FAF1: variants seen among roughly 807,000 people sequenced by gnomAD.
FAF1 encodes Fas associated factor 1.
A neutral mutation model predicts 92.5 loss-of-function variants in FAF1; 25 were observed. The ratio of observed to expected loss-of-function variants is 0.27; its 90% confidence interval spans 0.20 to 0.38. FAF1 has a LOEUF of 0.38. Among genes scored for constraint, FAF1 ranks in the 10% least tolerant of loss-of-function variants. FAF1 has a pLI of 1.00. For synonymous variants in FAF1, 234 were observed against 273.2 expected (o/e 0.86, Z 1.42); for missense variants, 636 against 793.3 (o/e 0.80, Z 2.38).
chr1:50,711,852 A>G (rs898167957), intron 6 of FAF1, among the ~76,000 whole-genome samples: 1 of 152,152 alleles, frequency 6.6e-6, no homozygotes, highest in African/African-American at 2.4e-5. Flanking sequence ...AAGTCAGATA[A>G]GGGTATTATC....
intron 15 of FAF1, among the ~76,000 whole-genome samples, chr1:50,518,501 T>C (rs1222513072): frequency 6.6e-6 from 1 of 151,704 alleles, no homozygotes; most frequent in Non-Finnish European, 1.5e-5. Flanking sequence ...AGTGCAGTGG[T>C]GCCATCTCGG....
chr1:50,909,583 CT>C (rs1407983152), intron 1 of FAF1, among the ~76,000 whole-genome samples: 2 of 152,108 alleles, frequency 1.3e-5, no homozygotes, highest in Non-Finnish European at 2.9e-5. Context: ...TCTTTTTGCT[CT>C]TTTTTCTCTA....
chr1:50,793,738 C>T (rs893718374), intron 3 of FAF1, among the ~76,000 whole-genome samples: 3 of 152,196 alleles, frequency 2.0e-5, no homozygotes, highest in African/African-American at 7.2e-5. Flanking sequence ...AACTCTCCCG[C>T]TCTTTGTCAT....
intron 3 of FAF1, among the ~76,000 whole-genome samples, chr1:50,792,437 C>T (rs1048158311): frequency 3.9e-5 from 6 of 152,120 alleles, no homozygotes; most frequent in African/African-American, 1.4e-4. Context: ...GCTCCTTCTC[C>T]CATGACTGAG....
At chr1:50,711,463 C>CAT (rs1657925101) in intron 6 of FAF1, among the ~76,000 whole-genome samples, 1 of 81,976 alleles carries the variant, frequency 1.2e-5, no homozygotes, top group African/African-American at 5.1e-5. Flanking sequence ...TCCACACTGA[C>CAT]TTTTTTTTTT....
chr1:50,549,884 A>C (rs1454179521), intron 13 of FAF1, among the ~76,000 whole-genome samples: 1 of 152,222 alleles, frequency 6.6e-6, no homozygotes, highest in African/African-American at 2.4e-5. Context: ...CTGGGATTAC[A>C]GGCATGAGCC....
chr1:50,917,684 GA>G (rs1557588593), intron 1 of FAF1, among the ~76,000 whole-genome samples: 4 of 143,574 alleles, frequency 2.8e-5, no homozygotes, highest in African/African-American at 5.3e-5. Context: ...GAAAGGAAAG[GA>G]AAGGAAAGGA....
chr1:50,787,040 AT>A (rs537622871), intron 4 of FAF1, among the ~76,000 whole-genome samples: 259 of 152,362 alleles, frequency 1.7e-3, no homozygotes, highest in Non-Finnish European at 2.7e-3. Context: ...TAGAATTCAG[AT>A]TTAAGGTAAA....
chr1:50,933,866 CA>C (rs1261566941), intron 1 of FAF1, among the ~76,000 whole-genome samples: 3 of 152,124 alleles, frequency 2.0e-5, no homozygotes, highest in Non-Finnish European at 4.4e-5. Context: ...GAGAAGGAAG[CA>C]AAAGTGGAAA....
At chr1:50,803,665 C>A (rs1443562212) in intron 2 of FAF1, among the ~76,000 whole-genome samples, 1 of 152,092 alleles carries the variant, frequency 6.6e-6, no homozygotes, top group Admixed American at 6.5e-5. Flanking sequence ...TAAAATAATG[C>A]CTCACCTGAG....
At chr1:50,510,165 CA>C (rs34071985) in intron 15 of FAF1, among the ~76,000 whole-genome samples, 4,384 of 60,970 alleles carry the variant, frequency 0.072, 68 homozygotes, top group Admixed American at 0.19. Context: ...GACTCTGTCT[CA>C]AAAAAAAAAA....
intron 1 of FAF1, among the ~76,000 whole-genome samples, chr1:50,905,597 G>A (rs1570122989): frequency 6.6e-6 from 1 of 152,074 alleles, no homozygotes; most frequent in African/African-American, 2.4e-5. Context: ...GATGGTATCT[G>A]ATTGTGGTTT....
At chr1:50,588,337 G>A (rs989382262) in intron 9 of FAF1, among the ~76,000 whole-genome samples, 5 of 152,178 alleles carry the variant, frequency 3.3e-5, no homozygotes, top group Non-Finnish European at 5.9e-5. Flanking sequence ...CAGGCAATTC[G>A]TGTATCTCTA....
At chr1:50,840,476 G>A (rs764645525) in intron 2 of FAF1, among the ~76,000 whole-genome samples, 18 of 151,856 alleles carry the variant, frequency 1.2e-4, no homozygotes, top group Non-Finnish European at 1.9e-4. Flanking sequence ...AAAATAGATG[G>A]CCAATAAGAA....
chr1:50,724,100 A>ATGCC (rs1297134589), intron 6 of FAF1, among the ~76,000 whole-genome samples: 1 of 152,050 alleles, frequency 6.6e-6, no homozygotes, highest in East Asian at 1.9e-4. Flanking sequence ...ATGATGGCAC[A>ATGCC]TGCCTGTAGT....
At chr1:50,684,482 A>G (rs1656565478) in intron 7 of FAF1, among the ~76,000 whole-genome samples, 2 of 152,198 alleles carry the variant, frequency 1.3e-5, no homozygotes, top group African/African-American at 4.8e-5. Flanking sequence ...CGAGGCATTC[A>G]GGCAGAGATG....
intron 9 of FAF1, among the ~76,000 whole-genome samples, chr1:50,587,246 G>T (rs1379191694): frequency 1.3e-5 from 2 of 152,116 alleles, no homozygotes; most frequent in Non-Finnish European, 2.9e-5. Flanking sequence ...TTCTCCATGT[G>T]TCTCCATTAT....
intron 18 of FAF1, among the ~76,000 whole-genome samples, chr1:50,461,928 G>C (rs1003242144): frequency 6.8e-6 from 1 of 147,764 alleles, no homozygotes; most frequent in Non-Finnish European, 1.5e-5. Flanking sequence ...TGGGGTTGGG[G>C]AGAAAAATAA....
chr1:50,627,846 A>T (rs568525831), intron 8 of FAF1, among the ~76,000 whole-genome samples: 1,861 of 146,884 alleles, frequency 0.013, 22 homozygotes, highest in African/African-American at 0.043. Context: ...TTTTTTTTTT[A>T]AATGCTGCTA....
Sources: allele counts gnomAD v4.1 joint callset (sites outside exome capture counted in the v4.1 genomes callset), GRCh38; gene constraint gnomAD v4.1.1; transcripts MANE v1.5; gene names NCBI Gene and HGNC (gene_info 2026-07-23, HGNC 2026-07-21).